Variants in JAKMIP2 observed in about 807,000 individuals in gnomAD.
The protein encoded by JAKMIP2 is janus kinase and microtubule interacting protein 2.
Under a neutral mutation model 115.0 loss-of-function variants are expected in JAKMIP2, and 25 were observed. The ratio of observed to expected loss-of-function variants is 0.22; its 90% CI spans 0.16 to 0.30. The LOEUF (loss-of-function observed/expected upper bound fraction) is 0.30. Ranked by LOEUF, JAKMIP2 falls within the 10% of genes least tolerant of loss-of-function variation. The probability of loss-of-function intolerance (pLI) is 1.00; values close to 1 mark genes in which losing one functional copy is unlikely to be tolerated. For missense variants in JAKMIP2, 642 were observed against 957.6 expected, an observed-to-expected ratio of 0.67 and a Z score of 4.35; for synonymous variants, 334 against 343.6, an observed-to-expected ratio of 0.97 and a Z score of 0.31.
At chr5:147,594,617 C>A in intron 21 of JAKMIP2, 1 of 294,406 alleles carries the variant, frequency 3.4e-6, no homozygotes. Context: ...TACAGAGCCA[C>A]TGTGCCCAGC....
intron 14 of JAKMIP2, among the ~76,000 whole-genome samples, chr5:147,631,064 C>G (rs1757328295): frequency 6.6e-6 from 1 of 152,136 alleles, no homozygotes; most frequent in Admixed American, 6.5e-5. Flanking sequence ...GGGACTCAAA[C>G]TTTTCTATCT....
At chr5:147,684,397 T>G (rs1760473687) in intron 1 of JAKMIP2, among the ~76,000 whole-genome samples, 1 of 151,898 alleles carries the variant, frequency 6.6e-6, no homozygotes, top group African/African-American at 2.4e-5. Flanking sequence ...TAAATCCCAG[T>G]GTCTAATATA....
At chr5:147,687,323 C>A (rs970864932) in intron 1 of JAKMIP2, among the ~76,000 whole-genome samples, 2 of 152,176 alleles carry the variant, frequency 1.3e-5, no homozygotes, top group African/African-American at 2.4e-5. Flanking sequence ...CAACTCTTCC[C>A]CACTGGGAGA....
intron 1 of JAKMIP2, among the ~76,000 whole-genome samples, chr5:147,779,532 G>A (rs1755682453): frequency 6.6e-6 from 1 of 151,912 alleles, no homozygotes; most frequent in Non-Finnish European, 1.5e-5. Flanking sequence ...TTTAATATAG[G>A]TATTTGACAT....
intron 1 of JAKMIP2, among the ~76,000 whole-genome samples, chr5:147,742,155 A>ATATATTTT: frequency 4.6e-5 from 5 of 108,884 alleles, no homozygotes; most frequent in African/African-American, 1.9e-4. Context: ...ATATATATAT[A>ATATATTTT]TTTTTTTTAC....
At position 147,780,796 on chromosome 5, in the gene JAKMIP2, C is replaced by G. The variant is rs148424645; in HGVS notation, c.-149+1660G>C. Among the ~76,000 whole-genome samples the G allele has an allele frequency of 4.8e-3, 730 of 152,194 alleles. 12 individuals carry two copies. Among genetic ancestry groups the G allele is most frequent in the African/African-American group, 0.017 (691 of 41,526 alleles). ...TAAATGTGGGGGGTGTATGTAGAATCAGATGCAAGACTAAAGACCCAAACA... is the reference window on the plus strand; with the variant it reads ...TAAATGTGGGGGGTGTATGTAGAATGAGATGCAAGACTAAAGACCCAAACA... On this transcript the variant is annotated intron_variant, in intron 1 of 21. Coordinates refer to ENST00000616793, the MANE Select transcript of JAKMIP2 (RefSeq NM_001270941.2).
chr5:147,721,903 A>G (rs1387675754), intron 1 of JAKMIP2, among the ~76,000 whole-genome samples: 1 of 151,902 alleles, frequency 6.6e-6, no homozygotes, highest in African/African-American at 2.4e-5. Flanking sequence ...CTTTCATACT[A>G]AAGTGTGGGA....
intron 20 of JAKMIP2, among the ~76,000 whole-genome samples, chr5:147,609,841 A>G (rs1289316783): frequency 1.3e-5 from 2 of 152,142 alleles, no homozygotes; most frequent in Non-Finnish European, 2.9e-5. Flanking sequence ...GTCTTTACAC[A>G]TAGTCTCATA....
At chr5:147,733,717 C>T (rs1468446644) in intron 1 of JAKMIP2, among the ~76,000 whole-genome samples, 2 of 152,046 alleles carry the variant, frequency 1.3e-5, no homozygotes, top group African/African-American at 4.8e-5. Context: ...ATGCAGTGTT[C>T]GGTTTTCTGC....
intron 2 of JAKMIP2, among the ~76,000 whole-genome samples, chr5:147,663,225 A>G (rs973802862): frequency 6.6e-6 from 1 of 152,154 alleles, no homozygotes; most frequent in Non-Finnish European, 1.5e-5. Context: ...TTGAAAGATG[A>G]AAAGTATTGT....
intron 1 of JAKMIP2, among the ~76,000 whole-genome samples, chr5:147,696,997 T>C (rs1336856058): frequency 9.9e-5 from 15 of 152,018 alleles, no homozygotes; most frequent in Admixed American, 9.8e-4. Flanking sequence ...GTTTGGAAAA[T>C]TTGCAGGCTG....
chr5:147,675,727 G>C (rs184412815), intron 1 of JAKMIP2, among the ~76,000 whole-genome samples: 20 of 147,690 alleles, frequency 1.4e-4, no homozygotes, highest in Admixed American at 1.3e-3. Context: ...TCTCTACTTA[G>C]TTTTGTCTCT....
chr5:147,599,998 T>C (rs919314208), intron 21 of JAKMIP2, among the ~76,000 whole-genome samples: 51 of 152,122 alleles, frequency 3.4e-4, no homozygotes, highest in African/African-American at 1.2e-3. Context: ...ACCTAGTACT[T>C]ACAAGGTTTG....
intron 1 of JAKMIP2, among the ~76,000 whole-genome samples, chr5:147,727,851 G>A (rs1753580372): frequency 6.7e-6 from 1 of 148,176 alleles, no homozygotes; most frequent in Non-Finnish European, 1.5e-5. Flanking sequence ...CTTCTCAGTA[G>A]ACTTAATTGT....
At chr5:147,595,965 C>A (rs1755366382) in intron 21 of JAKMIP2, among the ~76,000 whole-genome samples, 1 of 152,064 alleles carries the variant, frequency 6.6e-6, no homozygotes, top group South Asian at 2.1e-4. Context: ...GAAAGATGCC[C>A]TTGTGGGAAT....
intron 1 of JAKMIP2, among the ~76,000 whole-genome samples, chr5:147,722,203 C>T (rs1753339687): frequency 6.6e-6 from 1 of 152,152 alleles, no homozygotes; most frequent in African/African-American, 2.4e-5. Flanking sequence ...CTGCAAATGA[C>T]TAATCTTAGT....
chr5:147,724,894 A>G (rs1753455523), intron 1 of JAKMIP2, among the ~76,000 whole-genome samples: 1 of 152,198 alleles, frequency 6.6e-6, no homozygotes. Flanking sequence ...TCCATCTTGA[A>G]TAGGAGCTGG....
chr5:147,640,457 T>A (rs908066709), intron 9 of JAKMIP2, among the ~76,000 whole-genome samples: 4 of 152,190 alleles, frequency 2.6e-5, no homozygotes, highest in African/African-American at 7.2e-5. Context: ...GGAAAGTAAC[T>A]TTTATTTTGA....
chr5:147,619,518 A>T (rs1212398721), intron 18 of JAKMIP2, among the ~76,000 whole-genome samples: 1 of 151,892 alleles, frequency 6.6e-6, no homozygotes, highest in African/African-American at 2.4e-5. Flanking sequence ...GCTTCCAGGA[A>T]AGCATTATAA....
Sources: allele counts gnomAD v4.1 joint callset (sites outside exome capture counted in the v4.1 genomes callset), GRCh38; gene constraint gnomAD v4.1.1; transcripts MANE v1.5; gene names NCBI Gene and HGNC (gene_info 2026-07-23, HGNC 2026-07-21).